The following HECW2 variants were observed in gnomAD, a reference collection of about 807,000 sequenced individuals.
HECW2 encodes the protein E3 ubiquitin-protein ligase HECW2.
A neutral mutation model predicts 175.2 loss-of-function variants in HECW2; 61 were observed. That is an observed-to-expected ratio of 0.35 (90% CI 0.28 to 0.43). The LOEUF (loss-of-function observed/expected upper bound fraction) is 0.43. HECW2 is among the 20% of genes least tolerant of loss of function. The pLI is 1.00. For missense variants in HECW2, 1,524 were observed against 2,000.5 expected (o/e 0.76, Z 4.54); for synonymous variants, 671 against 731.0 (o/e 0.92, Z 1.32).
At chr2:196,303,176 T>A (rs1338077883) in intron 13 of HECW2, among the ~76,000 whole-genome samples, 1 of 152,216 alleles carries the variant, frequency 6.6e-6, no homozygotes, top group African/African-American at 2.4e-5. Context: ...AATAATCATG[T>A]GGTTTCTGTC....
At position 196,362,061 on chromosome 2, in the gene HECW2, GA is replaced by G. The variant is rs952826731; in HGVS notation, c.293-18298del. On this transcript the variant is annotated intron_variant, in intron 2 of 28. Transcript: ENST00000644978. ...CCTCTTCCCCCAAAGTTCTAGAAAT[GA>G]AATACTAGACAGGATTCCGGCAGGT... 23 of 985,304 alleles carry G rather than the reference GA, an allele frequency of 2.3e-5. No homozygotes were observed. The African/African-American group carries it at 3.7e-4, about 16-fold the overall frequency. The allele number at this position is 985,304 out of a possible 1,614,324, so 61.0% of individuals were successfully genotyped here.
intron 1 of HECW2, among the ~76,000 whole-genome samples, chr2:196,536,526 T>G (rs1270364369): frequency 6.6e-6 from 1 of 152,164 alleles, no homozygotes; most frequent in Non-Finnish European, 1.5e-5. Flanking sequence ...CCACCAACCT[T>G]AAAAATTCCT....
intron 13 of HECW2, among the ~76,000 whole-genome samples, chr2:196,295,402 T>C (rs1268718186): frequency 6.6e-6 from 1 of 152,026 alleles, no homozygotes; most frequent in African/African-American, 2.4e-5. Flanking sequence ...TGGCTCAGTG[T>C]TGCTGATATA....
chr2:196,562,501 G>C (rs1427392170), intron 1 of HECW2, among the ~76,000 whole-genome samples: 1 of 152,100 alleles, frequency 6.6e-6, no homozygotes, highest in Admixed American at 6.5e-5. Context: ...ATAAAAGACA[G>C]GTAAAGTGGA....
In HECW2 at chr2:196,334,408, A is replaced by G. The variant is rs905966172; in HGVS notation, c.495+16T>C. 1 of 1,589,470 alleles carries G rather than the reference A, an allele frequency of 6.3e-7. No homozygotes were observed. The highest frequency in any genetic ancestry group is 1.3e-5 in the African/African-American group (1 of 74,634). On this transcript the variant is annotated intron_variant, in intron 4 of 28. Coordinates refer to ENST00000644978, the MANE Select transcript of HECW2 (RefSeq NM_001348768.2). ...GCATGGATCTCACAAGGAAGCTGGC[A>G]GCGAGGGGCACTCACCATCACAGCT... is the stretch of plus-strand genomic sequence containing the variant.
intron 1 of HECW2, among the ~76,000 whole-genome samples, chr2:196,445,962 T>C (rs1032764966): frequency 2.0e-5 from 3 of 152,258 alleles, no homozygotes; most frequent in African/African-American, 7.2e-5. Context: ...ATATTCTCAA[T>C]ATGACAGCCA....
rs1687358287 is a variant in HECW2, at chr2:196,495,481, A to G, written c.-35-62023T>C. 1.3e-5 allele frequency among the ~76,000 whole-genome samples: 2 copies of G among 152,210 alleles called. 1 individual carries two copies. The highest frequency in any genetic ancestry group is 2.9e-5 in the Non-Finnish European group (2 of 68,028). ...TGATGGATAGCTCTAAAAAAGATAT[A>G]GAGTGATGAGTGGTCAGAGAAAGAG... On this transcript the variant is annotated intron_variant, in intron 1 of 28. Transcript: ENST00000644978.
chr2:196,283,169 G>A (rs1690251098), intron 14 of HECW2, among the ~76,000 whole-genome samples: 3 of 147,248 alleles, frequency 2.0e-5, no homozygotes, highest in African/African-American at 7.5e-5. Context: ...GGCTGAGGTA[G>A]GAGAATGGCG....
At chr2:196,546,558 A>C (rs945416414) in intron 1 of HECW2, among the ~76,000 whole-genome samples, 2 of 152,212 alleles carry the variant, frequency 1.3e-5, no homozygotes, top group African/African-American at 4.8e-5. Context: ...ATGGTGCACA[A>C]GTTTTTAACC....
Position 196,534,725 on chromosome 2 carries a change from C to T in HECW2, c.-36+58783G>A, listed in dbSNP as rs557994130. ...GAACCTGCTTAACACAATCGCCTGC[C>T]CCGGCCTCAGAAAGCACTTCCATTG... On this transcript the variant is annotated intron_variant, in intron 1 of 28. Transcript: ENST00000644978. Among the ~76,000 whole-genome samples, 6 of 152,238 alleles carry T rather than the reference C, an allele frequency of 3.9e-5. No individual in the cohort carries two copies. In the South Asian group the frequency reaches 1.0e-3, roughly 26 times the overall value.
At chr2:196,325,200 A>G (rs767554954) in intron 5 of HECW2, 51 bp from the exon 6 acceptor site, 2 of 1,387,088 alleles carry the variant, frequency 1.4e-6, no homozygotes, top group East Asian at 2.4e-5. Flanking sequence ...AGCAGGAGGG[A>G]GGGAGGAAAG....
In HECW2 at chr2:196,524,731, T is replaced by C. The variant is rs572472913; in HGVS notation, c.-36+68777A>G. 9.3e-3 allele frequency among the ~76,000 whole-genome samples: 1,143 copies of C among 122,414 alleles called. 175 individuals carry two copies. The highest frequency in any genetic ancestry group is 0.013 in the Non-Finnish European group (804 of 63,816). The allele number at this position is 122,414 out of a possible 152,430, so 80.3% of individuals were successfully genotyped here. A position where few individuals can be genotyped will look rare whatever the true frequency, so the allele number is the denominator to read the frequency against. On this transcript the variant is annotated intron_variant, in intron 1 of 28. Transcript: ENST00000644978. ...CTTTATTTCTGCCTTCATTTTGTTA[T>C]GTACCCCGTAGTCATTCAGGAGCAG...
At chr2:196,440,192 G>C (rs755656115) in intron 1 of HECW2, among the ~76,000 whole-genome samples, 2 of 152,116 alleles carry the variant, frequency 1.3e-5, no homozygotes, top group Admixed American at 1.3e-4. Flanking sequence ...TCAAATGCAA[G>C]TCTCTGCTCA....
intron 1 of HECW2, among the ~76,000 whole-genome samples, chr2:196,457,454 T>C (rs6728249): frequency 0.049 from 7,461 of 152,298 alleles, 426 homozygotes; most frequent in African/African-American, 0.13. Flanking sequence ...TTCAATATTT[T>C]AGCATATGAA....
intron 21 of HECW2, among the ~76,000 whole-genome samples, chr2:196,232,107 G>A (rs1688081695): frequency 6.6e-6 from 1 of 152,202 alleles, no homozygotes; most frequent in African/African-American, 2.4e-5. Context: ...CATTCTCTGT[G>A]AGGCTTTCAG....
intron 1 of HECW2, among the ~76,000 whole-genome samples, chr2:196,562,652 C>T (rs1014714284): frequency 1.3e-5 from 2 of 152,202 alleles, no homozygotes; most frequent in Non-Finnish European, 2.9e-5. Flanking sequence ...ACATGTAAGG[C>T]GGGCTGTCCC....
At chr2:196,369,389 G>T (rs1000824581) in intron 2 of HECW2, among the ~76,000 whole-genome samples, 1 of 111,770 alleles carries the variant, frequency 8.9e-6, no homozygotes, top group South Asian at 3.0e-4. Context: ...TCTCACTGAT[G>T]AGCTCTCTGA....
intron 19 of HECW2, among the ~76,000 whole-genome samples, chr2:196,252,178 A>AAATACTAATAAT (rs71410608): frequency 6.8e-5 from 9 of 133,250 alleles, no homozygotes; most frequent in Admixed American, 2.3e-4. Flanking sequence ...CTCCGATTCA[A>AAATACTAATAAT]AATAATAATA....
At chr2:196,573,352 T>A (rs184256836) in intron 1 of HECW2, among the ~76,000 whole-genome samples, 132 of 152,070 alleles carry the variant, frequency 8.7e-4, no homozygotes, top group African/African-American at 3.1e-3. Flanking sequence ...AATATCTAAG[T>A]CTCAATAAGG....
Sources: allele counts gnomAD v4.1 joint callset (sites outside exome capture counted in the v4.1 genomes callset), GRCh38; gene constraint gnomAD v4.1.1; transcripts MANE v1.5; gene names NCBI Gene and HGNC (gene_info 2026-07-23, HGNC 2026-07-21).